Variants in SNTG1 observed in about 807,000 individuals in gnomAD.
SNTG1 encodes the protein gamma-1-syntrophin.
SNTG1 carries 39 observed loss-of-function variants against 74.7 expected under a neutral mutation model. That is an observed-to-expected ratio of 0.52 (90% confidence interval 0.40 to 0.68). The LOEUF is 0.68. SNTG1 is among the 30% of genes least tolerant of loss of function. SNTG1 has a pLI of 0.00. For synonymous variants in SNTG1, 254 were observed against 217.1 expected, an observed-to-expected ratio of 1.17 and a Z score of -1.49; for missense variants, 685 against 609.5, an observed-to-expected ratio of 1.12 and a Z score of -1.30.
intron 17 of SNTG1, among the ~76,000 whole-genome samples, chr8:50,729,837 A>C (rs906655): frequency 0.92 from 139,429 of 152,148 alleles, 63,958 homozygotes; most frequent in East Asian, 1. Context: ...ATCCTAACAG[A>C]AACAACAGGG....
intron 2 of SNTG1, among the ~76,000 whole-genome samples, chr8:50,233,990 C>A (rs994314609): frequency 1.3e-5 from 2 of 151,808 alleles, no homozygotes; most frequent in African/African-American, 4.8e-5. Flanking sequence ...AATGCTTTGG[C>A]ATTTTTTAAA....
chr8:49,954,497 G>T (rs949308140), intron 1 of SNTG1, among the ~76,000 whole-genome samples: 6 of 152,118 alleles, frequency 3.9e-5, no homozygotes, highest in Admixed American at 2.6e-4. Context: ...TTTTCACCAA[G>T]AAATACGTAC....
At chr8:50,197,929 CA>C (rs1324870980) in intron 2 of SNTG1, among the ~76,000 whole-genome samples, 12 of 152,076 alleles carry the variant, frequency 7.9e-5, no homozygotes, top group African/African-American at 2.9e-4. Flanking sequence ...TCAAACAATA[CA>C]ATTTAACAAT....
intron 9 of SNTG1, among the ~76,000 whole-genome samples, chr8:50,514,203 T>G (rs1372986276): frequency 6.6e-6 from 1 of 152,214 alleles, no homozygotes; most frequent in Non-Finnish European, 1.5e-5. Context: ...TTTTTTCCAC[T>G]TTATTTATTT....
At chr8:50,306,173 T>C (rs924007105) in intron 2 of SNTG1, among the ~76,000 whole-genome samples, 1 of 151,996 alleles carries the variant, frequency 6.6e-6, no homozygotes, top group African/African-American at 2.4e-5. Flanking sequence ...TTGAATACTT[T>C]CCTTAGAATA....
At chr8:50,080,032 C>G (rs1691603329) in intron 1 of SNTG1, among the ~76,000 whole-genome samples, 2 of 152,118 alleles carry the variant, frequency 1.3e-5, no homozygotes, top group Non-Finnish European at 2.9e-5. Flanking sequence ...GCCACATGGG[C>G]TTGTTTTTCT....
At chr8:50,096,963 TTTATTA>T (rs1009772024) in intron 1 of SNTG1, among the ~76,000 whole-genome samples, 1 of 151,786 alleles carries the variant, frequency 6.6e-6, no homozygotes. Context: ...ACTAAAACTT[TTTATTA>T]TTATTATTAT....
chr8:50,388,438 C>G (rs2092607462), intron 2 of SNTG1, among the ~76,000 whole-genome samples: 1 of 152,088 alleles, frequency 6.6e-6, no homozygotes, highest in East Asian at 1.9e-4. Flanking sequence ...TCTTTACTGC[C>G]TTTAAATCTA....
At chr8:50,622,226 A>C (rs1252517030) in intron 13 of SNTG1, among the ~76,000 whole-genome samples, 1 of 152,216 alleles carries the variant, frequency 6.6e-6, no homozygotes, top group Non-Finnish European at 1.5e-5. Flanking sequence ...GTGGTTCACC[A>C]GGGTATCCTA....
rs1470837336 is a variant in SNTG1 at position 50,588,496 on chromosome 8, A to T, written c.811-2383A>T. Among the ~76,000 whole-genome samples the T allele has an allele frequency of 2.6e-5, 4 of 152,158 alleles. No homozygotes were observed. The East Asian group carries it at 5.8e-4, about 22-fold the overall frequency. ...TTTGGTTAGTTAAGTGTATATTTCC[A>T]CTGAAACATGAATAAACATGAATAG... On this transcript the variant is annotated intron_variant, in intron 12 of 18. Coordinates refer to ENST00000642720, the MANE Select transcript of SNTG1 (RefSeq NM_018967.5).
intron 2 of SNTG1, among the ~76,000 whole-genome samples, chr8:50,343,842 C>T (rs1467947745): frequency 1.3e-5 from 2 of 152,102 alleles, no homozygotes; most frequent in Admixed American, 6.5e-5. Context: ...ACATGTTCTT[C>T]CAGCATATTT....
At chr8:50,192,452 T>C (rs1313625550) in intron 2 of SNTG1, among the ~76,000 whole-genome samples, 1 of 152,188 alleles carries the variant, frequency 6.6e-6, no homozygotes, top group Non-Finnish European at 1.5e-5. Flanking sequence ...CATCTGTATA[T>C]CTTCTTTTAA....
At chr8:50,501,092 C>A (rs1236247367) in intron 8 of SNTG1, among the ~76,000 whole-genome samples, 1 of 152,190 alleles carries the variant, frequency 6.6e-6, no homozygotes, top group Non-Finnish European at 1.5e-5. Context: ...AAGGCTAGCA[C>A]TTCTGCTGGC....
At chr8:50,331,494 GA>G (rs773796401) in intron 2 of SNTG1, among the ~76,000 whole-genome samples, 6 of 152,178 alleles carry the variant, frequency 3.9e-5, no homozygotes, top group Non-Finnish European at 7.3e-5. Flanking sequence ...AACAAGAGAA[GA>G]AATCCTGCAG....
chr8:50,280,023 G>T (rs142395166), intron 2 of SNTG1, among the ~76,000 whole-genome samples: 259 of 152,270 alleles, frequency 1.7e-3, no homozygotes, highest in African/African-American at 6.0e-3. Flanking sequence ...TGTTTTCAAA[G>T]CTTCTCCCTT....
chr8:50,354,936 A>G (rs927712626), intron 2 of SNTG1, among the ~76,000 whole-genome samples: 1 of 152,206 alleles, frequency 6.6e-6, no homozygotes, highest in African/African-American at 2.4e-5. Context: ...CAAATTTGAT[A>G]CTACTAAATT....
intron 9 of SNTG1, among the ~76,000 whole-genome samples, chr8:50,506,477 C>G (rs916204065): frequency 3.9e-5 from 6 of 152,002 alleles, no homozygotes; most frequent in African/African-American, 1.4e-4. Flanking sequence ...AGTGTATCAG[C>G]ATGGGATGTC....
At chr8:50,315,735 C>T (rs2090291330) in intron 2 of SNTG1, among the ~76,000 whole-genome samples, 1 of 138,060 alleles carries the variant, frequency 7.2e-6, no homozygotes, top group African/African-American at 3.0e-5. Flanking sequence ...TCATTCAAAA[C>T]CATTGAAAAG....
chr8:50,626,604 C>A (rs1431386840), intron 13 of SNTG1, among the ~76,000 whole-genome samples: 1 of 152,212 alleles, frequency 6.6e-6, no homozygotes, highest in Non-Finnish European at 1.5e-5. Context: ...ATGGGCCAAA[C>A]AAAGGGATTG....
Sources: allele counts gnomAD v4.1 joint callset (sites outside exome capture counted in the v4.1 genomes callset), GRCh38; gene constraint gnomAD v4.1.1; transcripts MANE v1.5; gene names NCBI Gene and HGNC (gene_info 2026-07-23, HGNC 2026-07-21).